EPG5: variants seen among roughly 807,000 people sequenced by gnomAD.
EPG5 encodes the protein ectopic P-granules 5 autophagy tethering factor, also known as ectopic P granules protein 5 homolog.
Under a neutral mutation model 302.7 loss-of-function variants are expected in EPG5, and 159 were observed. The observed-to-expected ratio is 0.53, with a 90% CI of 0.46 to 0.60. The LOEUF (loss-of-function observed/expected upper bound fraction) is 0.60, where lower values mean the gene tolerates loss of function less well. Among genes scored for constraint, EPG5 ranks in the 20% least tolerant of loss-of-function variants. The pLI is 0.00. For missense variants in EPG5, 2,896 were observed against 3,092.4 expected (o/e 0.94, Z 1.51); for synonymous variants, 1,158 against 1,136.8 (o/e 1.02, Z -0.37).
intron 31 of EPG5, 140 bp downstream of exon 31, chr18:45,882,134 C>A (rs2049111087): frequency 1.3e-6 from 1 of 750,984 alleles, no homozygotes; most frequent in East Asian, 2.7e-5. Context: ...GTTCATCAAG[C>A]CCTTTAGATG....
intron 39 of EPG5, among the ~76,000 whole-genome samples, chr18:45,862,150 C>T (rs2048648417): frequency 6.6e-6 from 1 of 152,170 alleles, no homozygotes; most frequent in Admixed American, 6.5e-5. Flanking sequence ...CTTCATTTCT[C>T]CACTGTTGCC....
the EPG5 span, among the ~76,000 whole-genome samples, chr18:45,823,025 G>T: frequency 1.3e-5 from 2 of 152,180 alleles, no homozygotes. Context: ...ATATACCTAG[G>T]GGTAGAGGTT....
At chr18:45,926,619 G>A (rs2050274911) in intron 13 of EPG5, among the ~76,000 whole-genome samples, 1 of 152,004 alleles carries the variant, frequency 6.6e-6, no homozygotes, top group African/African-American at 2.4e-5. Context: ...CTGAGGTCAG[G>A]AGTTTGAGAC....
chr18:45,899,615 T>A, intron 26 of EPG5, 49 bp from the exon 27 acceptor site: 9 of 1,598,916 alleles, frequency 5.6e-6, no homozygotes, highest in Non-Finnish European at 6.0e-6. Flanking sequence ...AAAGGTTATA[T>A]GATAGGTGAT....
chr18:45,840,361 C>T, the EPG5 span: 7 of 1,177,846 alleles, frequency 5.9e-6, no homozygotes, highest in African/African-American at 9.2e-5. Flanking sequence ...CCTACTTTGA[C>T]CAGGGGCTGG....
chr18:45,859,561 C>T (rs1484522104), intron 40 of EPG5, among the ~76,000 whole-genome samples: 6 of 152,118 alleles, frequency 3.9e-5, no homozygotes, highest in Admixed American at 2.0e-4. Context: ...CAGACTAAGC[C>T]GCTTCCAGAG....
intron 43 of EPG5, among the ~76,000 whole-genome samples, chr18:45,854,923 ACTC>A (rs1183997213): frequency 3.3e-5 from 5 of 152,270 alleles, no homozygotes; most frequent in African/African-American, 1.2e-4. Flanking sequence ...TAAAGCTTTA[ACTC>A]ACTAATATTG....
At chr18:45,842,178 C>T in the EPG5 span, 4 of 1,614,190 alleles carry the variant, frequency 2.5e-6, no homozygotes, top group Non-Finnish European at 3.4e-6. Flanking sequence ...CCACCATGTG[C>T]TCACCGTGAG....
In EPG5 at chr18:45,870,606, G is replaced by T. The variant is rs756668451; in HGVS notation, c.6186C>A (p.Asp2062Glu). 6.2e-7 allele frequency: 1 copy of T among 1,613,928 alleles called. No homozygotes were observed. Among genetic ancestry groups the T allele is most frequent in the Non-Finnish European group, 8.5e-7 (1 of 1,179,982 alleles). Residue 2062 changes from aspartate to glutamate, a missense_variant, in exon 36 of 44, where the codon GAC (aspartate) becomes GAA (glutamate). Transcript: ENST00000282041. ...HSTYRKLPWK[D>E]LHPDQMLMEA... The stretch of plus-strand genomic sequence containing the variant: ...CCATGAGCATCTGGTCAGGGTGCAG[G>T]TCCTTCCATGGCAGTTTCCGGTACG...
intron 35 of EPG5, among the ~76,000 whole-genome samples, chr18:45,875,810 T>C (rs1384947617): frequency 1.3e-5 from 2 of 152,094 alleles, no homozygotes; most frequent in African/African-American, 4.8e-5. Context: ...ATCCTAGCAC[T>C]TTGGGAGGCC....
chr18:45,818,855 T>A, the EPG5 span, among the ~76,000 whole-genome samples: 1 of 150,114 alleles, frequency 6.7e-6, no homozygotes. Flanking sequence ...TGCCTCTGCC[T>A]CCCGAATAAT....
In EPG5 at chr18:45,888,038, T is replaced by C. The variant is rs193226040; in HGVS notation, c.4953-131A>G. The C allele has an allele frequency of 5.2e-4, 328 of 627,252 alleles. 2 individuals carry two copies. In the African/African-American group the frequency reaches 5.2e-3, roughly 10 times the overall value. The allele number at this position is 627,252 out of a possible 1,614,324, so 38.9% of individuals were successfully genotyped here. On this transcript the variant is annotated intron_variant, in intron 28 of 43. Transcript: ENST00000282041. ...TCAGAGCACCCATGAAAATGTCACT[T>C]TAGAAATATTTCATGGAGTAAATAT...
At chr18:45,847,205 G>A (rs989600790), downstream of EPG5, among the ~76,000 whole-genome samples, 4 of 152,224 alleles carry the variant, frequency 2.6e-5, no homozygotes, top group East Asian at 7.7e-4. Flanking sequence ...ACAAATGTGA[G>A]TGAAAAATAA....
intron 25 of EPG5, among the ~76,000 whole-genome samples, chr18:45,902,316 T>C (rs1380002717): frequency 6.6e-6 from 1 of 152,214 alleles, no homozygotes; most frequent in East Asian, 1.9e-4. Flanking sequence ...AACTAACTAC[T>C]CTTTGCACAG....
chr18:45,809,002 C>A, the EPG5 span, among the ~76,000 whole-genome samples: 4 of 152,072 alleles, frequency 2.6e-5, no homozygotes, highest in African/African-American at 9.7e-5. Flanking sequence ...GCTCACCTAA[C>A]ACATAAGGAC....
In EPG5 at chr18:45,876,159, G is replaced by A; in HGVS notation, c.6049+77C>T. 3.2e-6 allele frequency: 3 copies of A among 947,272 alleles called. No individual in the cohort carries two copies. In the South Asian group the frequency reaches 4.4e-5, roughly 14 times the overall value. The allele number at this position is 947,272 out of a possible 1,614,324, so 58.7% of individuals were successfully genotyped here. A position where few individuals can be genotyped will look rare whatever the true frequency, so the allele number is the denominator to read the frequency against. The stretch of plus-strand genomic sequence containing the variant: ...CTGCCTATTAAATAAAAATTAAATA[G>A]AGGAAAGTAGAAGAAAAAGACTGAC... On this transcript the variant is annotated intron_variant, in intron 35 of 43. Coordinates refer to ENST00000282041, the MANE Select transcript of EPG5 (RefSeq NM_020964.3).
At position 45,904,751 on chromosome 18, in the gene EPG5, T is replaced by C. The variant is rs187014855; in HGVS notation, c.4330-634A>G. 2.0e-3 allele frequency among the ~76,000 whole-genome samples: 302 copies of C among 152,308 alleles called. 3 individuals are homozygous for C. The highest frequency in any genetic ancestry group is 7.1e-3 in the African/African-American group (296 of 41,586). ...ATGAAAATAAATAAAAAAAAAACTT[T>C]TATGACATTTATGAGAAAGGTGGAA... On this transcript the variant is annotated intron_variant, in intron 24 of 43. Transcript: ENST00000282041.
intron 39 of EPG5, among the ~76,000 whole-genome samples, chr18:45,862,097 T>C (rs2048647449): frequency 6.6e-6 from 1 of 152,210 alleles, no homozygotes; most frequent in African/African-American, 2.4e-5. Flanking sequence ...AAGTCTAATG[T>C]TAATTGGTTC....
At position 45,858,066 on chromosome 18, in the gene EPG5, G is replaced by A; in HGVS notation, c.7229C>T (p.Ser2410Phe). Reference protein sequence around the residue: ...SKWLEQVYPSSVEEEAKLFLW... With the variant: ...SKWLEQVYPSFVEEEAKLFLW... ...AAACAGCTTTGCCTCTTCCTCCACG[G>A]AGCTAGGGGAGGCACCGGAGGAAAA... The change falls in exon 42 of 44, where the codon TCC becomes TTC. Residue 2410 changes from serine (S) to phenylalanine (F), a missense_variant and splice_region_variant. By Grantham distance (155) the Ser-to-Phe change is radical. This residue lies in a region of EPG5 where 620 missense variants were observed against 704.2 expected (regional missense o/e 0.88). Coordinates refer to ENST00000282041, the MANE Select transcript of EPG5 (RefSeq NM_020964.3). 6.2e-7 allele frequency: 1 copy of A among 1,609,026 alleles called. No individual in the cohort carries two copies. Among genetic ancestry groups the A allele is most frequent in the Non-Finnish European group, 8.5e-7 (1 of 1,176,392 alleles).
Sources: allele counts gnomAD v4.1 joint callset (sites outside exome capture counted in the v4.1 genomes callset), GRCh38; gene constraint gnomAD v4.1.1; regional missense constraint gnomAD v4.1.1; transcripts MANE v1.5; gene names NCBI Gene and HGNC (gene_info 2026-07-23, HGNC 2026-07-21).